Variants in TRPM4 observed in about 807,000 individuals in gnomAD.
TRPM4 encodes transient receptor potential cation channel subfamily M member 4.
TRPM4 carries 124 observed loss-of-function variants against 135.6 expected under a neutral mutation model. The ratio of observed to expected loss-of-function variants is 0.91; its 90% CI spans 0.79 to 1.06. The LOEUF is 1.06. Ranked by LOEUF, TRPM4 falls within the 50% of genes least tolerant of loss-of-function variation. The probability of loss-of-function intolerance (pLI) is 0.00; values close to 1 mark genes in which losing one functional copy is unlikely to be tolerated. For synonymous variants in TRPM4, 745 were observed against 705.6 expected, an observed-to-expected ratio of 1.06 and a Z score of -0.88; for missense variants, 1,658 against 1,671.4, an observed-to-expected ratio of 0.99 and a Z score of 0.14.
chr19:49,163,262 C>G (rs1219509282), intron 2 of TRPM4, among the ~76,000 whole-genome samples: 1 of 150,946 alleles, frequency 6.6e-6, no homozygotes, highest in African/African-American at 2.4e-5. Flanking sequence ...GTGGCACAAT[C>G]TCTGCTCATC....
intron 9 of TRPM4, among the ~76,000 whole-genome samples, chr19:49,180,597 G>A (rs1259022851): frequency 6.6e-6 from 1 of 151,842 alleles, no homozygotes; most frequent in Non-Finnish European, 1.5e-5. Context: ...CATTCTCTGG[G>A]AGCTCTCTTG....
chr19:49,211,404 C>T lies in TRPM4; in HGVS notation c.3641-90C>T. The T allele has an allele frequency of 3.7e-6, 6 of 1,602,684 alleles. No homozygotes were observed. The highest frequency in any genetic ancestry group is 2.2e-5 in the South Asian group (2 of 90,932). The stretch of plus-strand genomic sequence containing the variant: ...TTTGAGCCTTTTGTACTCTCGCCTT[C>T]GTCTTTCTTCTTTTTTGCCAGTCTC... On this transcript the variant is annotated intron_variant, in intron 24 of 24. Transcript: ENST00000252826. The surrounding 1 kb of genome is among the most constrained non-coding windows in gnomAD (Gnocchi z 4.8).
chr19:49,167,289 G>A (rs1224884534), intron 3 of TRPM4, among the ~76,000 whole-genome samples: 7 of 72,804 alleles, frequency 9.6e-5, no homozygotes, highest in Non-Finnish European at 1.4e-4. Flanking sequence ...CTCTGTCCCC[G>A]TCTCTCCGGG....
At chr19:49,176,121 G>A (rs941261471) in intron 9 of TRPM4, among the ~76,000 whole-genome samples, 3 of 145,934 alleles carry the variant, frequency 2.1e-5, no homozygotes, top group African/African-American at 7.7e-5. Context: ...ACAGGGTTTC[G>A]CCATGTTGGC....
intron 12 of TRPM4, 115 bp from the exon 13 acceptor site, chr19:49,188,526 C>G: frequency 6.9e-7 from 1 of 1,452,138 alleles, no homozygotes; most frequent in Non-Finnish European, 9.6e-7. Context: ...CATCCTTGGC[C>G]TCTGATGACC....
rs1054252341 is a variant in TRPM4 at position 49,188,833 on chromosome 19, T to G, written c.1873+63T>G. 5.5e-5 allele frequency: 88 copies of G among 1,612,684 alleles called. No homozygotes were observed. The South Asian group carries it at 6.5e-4, about 12-fold the overall frequency. ...CTGCCGCCAGAGGGGGATGTGCAACTCCGCACTCCTCACATATCCCTGCGC... is the reference window on the plus strand; with the variant it reads ...CTGCCGCCAGAGGGGGATGTGCAACGCCGCACTCCTCACATATCCCTGCGC... On this transcript the variant is annotated intron_variant, in intron 13 of 24. Transcript: ENST00000252826.
chr19:49,183,272 C>A, intron 12 of TRPM4, 60 bp downstream of exon 12: 1 of 1,609,430 alleles, frequency 6.2e-7, no homozygotes, highest in Admixed American at 1.7e-5. Flanking sequence ...TGCCAGTGTT[C>A]CCGAAACAAT....
At chr19:49,183,438 C>T (rs772365225) in intron 12 of TRPM4, among the ~76,000 whole-genome samples, 37 of 152,170 alleles carry the variant, frequency 2.4e-4, no homozygotes, top group Non-Finnish European at 4.3e-4. Flanking sequence ...GCTCTGTCGC[C>T]CAGGCTGCAG....
intron 9 of TRPM4, 41 bp from the exon 10 acceptor site, chr19:49,181,308 C>A: frequency 1.4e-6 from 2 of 1,450,378 alleles, no homozygotes; most frequent in African/African-American, 1.4e-5. Flanking sequence ...GATGTCCCTC[C>A]TCCCCTGACT....
At chr19:49,177,017 G>A (rs992035849) in intron 9 of TRPM4, among the ~76,000 whole-genome samples, 1 of 152,120 alleles carries the variant, frequency 6.6e-6, no homozygotes, top group South Asian at 2.1e-4. Flanking sequence ...GTTGTGCCCG[G>A]TCCCGGTGGG....
At chr19:49,160,358 C>A (rs1021815047) in intron 2 of TRPM4, among the ~76,000 whole-genome samples, 1 of 151,858 alleles carries the variant, frequency 6.6e-6, no homozygotes, top group Non-Finnish European at 1.5e-5. Flanking sequence ...GGCGTATTGG[C>A]GCATGCCTGT....
intron 9 of TRPM4, among the ~76,000 whole-genome samples, chr19:49,178,701 C>T (rs538418927): frequency 2.6e-5 from 4 of 151,874 alleles, no homozygotes; most frequent in Admixed American, 2.0e-4. Flanking sequence ...GCCCAGGTGA[C>T]AAATGGTGCC....
At chr19:49,208,027 A>G (rs111258029) in intron 20 of TRPM4, among the ~76,000 whole-genome samples, 8,476 of 152,260 alleles carry the variant, frequency 0.056, 705 homozygotes, top group African/African-American at 0.17. Flanking sequence ...TCCACTGGAC[A>G]GGGGCCCTTC....
At position 49,211,174 on chromosome 19, in the gene TRPM4, G is replaced by A. The variant is rs757878891; in HGVS notation, c.3545G>A (p.Cys1182Tyr). 22 of 1,605,538 alleles carry A rather than the reference G, an allele frequency of 1.4e-5. No homozygotes were observed. The highest frequency in any genetic ancestry group is 1.8e-5 in the Non-Finnish European group (21 of 1,176,684). Residue 1182 changes from cysteine (C) to tyrosine (Y), a missense_variant, in exon 24 of 25, where the codon TGT becomes TAT. This residue lies in a region of TRPM4 where 1,412 missense variants were observed against 1,408.7 expected (regional missense o/e 1.00). Transcript: ENST00000252826. The surrounding 1 kb of genome is among the most constrained non-coding windows in gnomAD (Gnocchi z 4.8). ...CCTCCCATTCCGCAGGTCCAGCAGT[G>A]TAGCCGCGTCCTGGGGTGGGTGGCC... ...LKVLEREVQQ[C>Y]SRVLGWVAEA...
chr19:49,158,336 C>A, intron 2 of TRPM4, 77 bp downstream of exon 2: 2 of 1,309,178 alleles, frequency 1.5e-6, no homozygotes, highest in Non-Finnish European at 1.1e-6. Context: ...CACGCCCCAG[C>A]CCTGCTCCTT....
chr19:49,175,135 G>A (rs1274967948), intron 9 of TRPM4, among the ~76,000 whole-genome samples: 1 of 139,902 alleles, frequency 7.1e-6, no homozygotes, highest in Non-Finnish European at 1.5e-5. Context: ...GAGTGCAATA[G>A]TGCCATCTCA....
At chr19:49,201,679 C>G (rs1413902390) in intron 19 of TRPM4, among the ~76,000 whole-genome samples, 1 of 152,222 alleles carries the variant, frequency 6.6e-6, no homozygotes, top group African/African-American at 2.4e-5. Flanking sequence ...CTCACTGCAA[C>G]CTCCACCTCC....
chr19:49,158,584 TTTCATTCATTCA>T (rs72260340), intron 2 of TRPM4: 270 of 245,158 alleles, frequency 1.1e-3, no homozygotes, highest in African/African-American at 5.6e-3. Flanking sequence ...GGTATTTCTG[TTTCATTCATTCA>T]TTCATTCATT....
At position 49,196,479 on chromosome 19, in the gene TRPM4, G is replaced by A. The variant is rs1239998230; in HGVS notation, c.2250G>A (p.Pro750=). The A allele has an allele frequency of 1.9e-6, 3 of 1,554,774 alleles. No homozygotes were observed. The highest frequency in any genetic ancestry group is 2.6e-6 in the Non-Finnish European group (3 of 1,153,364). Residue 750 remains proline, a synonymous_variant, in exon 17 of 25, where the codon CCG becomes CCA. Coordinates refer to ENST00000252826, the MANE Select transcript of TRPM4 (RefSeq NM_017636.4). ...DPAEKTPLGV[P]RQSGRPGCCG... ...CCGAGAAGACGCCGCTGGGGGTCCC[G>A]CGCCAGTCGGGCCGTCCGGGTTGCT...
Sources: gnomAD v4.1 joint callset for allele counts (sites outside exome capture counted in the v4.1 genomes callset) on GRCh38, gnomAD v4.1.1 for gene constraint, gnomAD v4.1.1 regional missense constraint, Gnocchi (gnomAD v3.1) non-coding constraint, MANE v1.5 for transcripts, NCBI Gene and HGNC (gene_info 2026-07-23, HGNC 2026-07-21) for gene names.